MACF1: variants seen among roughly 807,000 people sequenced by gnomAD.
MACF1 encodes microtubule actin crosslinking factor 1.
In MACF1, 193 loss-of-function variants were observed where a neutral mutation model predicts 854.8. The ratio of observed to expected loss-of-function variants is 0.23; its 90% CI spans 0.20 to 0.25. MACF1 has a LOEUF of 0.25. MACF1 is among the 10% of genes least tolerant of loss of function. MACF1 has a pLI of 1.00. For synonymous variants in MACF1, 3,185 were observed against 3,226.7 expected (o/e 0.99, Z 0.44); for missense variants, 7,722 against 8,929.1 (o/e 0.86, Z 5.45).
chr1:39,249,509 C>T (rs570700441), intron 2 of MACF1, among the ~76,000 whole-genome samples: 1 of 152,218 alleles, frequency 6.6e-6, no homozygotes, highest in East Asian at 1.9e-4. Flanking sequence ...TGGAATTTCC[C>T]ACAAAGAAAA....
intron 21 of MACF1, among the ~76,000 whole-genome samples, chr1:39,299,779 C>G (rs922520689): frequency 6.6e-6 from 1 of 152,094 alleles, no homozygotes; most frequent in African/African-American, 2.4e-5. Context: ...ACTAGCTTCT[C>G]CTAAGCAGAA....
chr1:39,288,455 G>A (rs1645695036), intron 15 of MACF1, among the ~76,000 whole-genome samples: 1 of 150,300 alleles, frequency 6.7e-6, no homozygotes. Context: ...CTGAGATTGT[G>A]CCACTGCACT....
rs775216230 is a variant in MACF1, at chr1:39,412,627, A to C, written c.15817-9747A>C. 19 of 1,613,914 alleles carry C rather than the reference A, an allele frequency of 1.2e-5. No homozygotes were observed. In the South Asian group the frequency reaches 1.3e-4, roughly 11 times the overall value. Reference sequence around the variant, plus strand: ...TGTGAATGATACAAAGCCTGAGCTGAATGTGGCATCATCAGAGGGAGGGGA... The same window carrying C: ...TGTGAATGATACAAAGCCTGAGCTGCATGTGGCATCATCAGAGGGAGGGGA... On this transcript the variant is annotated intron_variant, in intron 58 of 100. Transcript: ENST00000564288.
chr1:39,396,192 C>A (rs530923039), intron 58 of MACF1, among the ~76,000 whole-genome samples: 1 of 151,938 alleles, frequency 6.6e-6, no homozygotes, highest in Non-Finnish European at 1.5e-5. Flanking sequence ...TGGTGGCATG[C>A]GCCTGTAGTC....
intron 89 of MACF1, among the ~76,000 whole-genome samples, chr1:39,455,885 C>T (rs142890485): frequency 2.3e-4 from 35 of 152,142 alleles, no homozygotes; most frequent in Non-Finnish European, 4.9e-4. Flanking sequence ...TGAATTCAAG[C>T]GTGAATGTTG....
rs768683100 is a variant in MACF1, at chr1:39,322,694, T to A, written c.4116T>A (p.Ser1372=). The A allele has an allele frequency of 6.2e-6, 10 of 1,613,958 alleles. No homozygotes were observed. Among genetic ancestry groups the A allele is most frequent in the Non-Finnish European group, 2.5e-6 (3 of 1,179,998 alleles). The change falls in exon 32 of 101, where the codon TCT becomes TCA. Residue 1372 remains serine (S), a synonymous_variant. Coordinates refer to ENST00000564288, the MANE Select transcript of MACF1 (RefSeq NM_001394062.1). The stretch of plus-strand genomic sequence containing the variant: ...GCAAGCGCCGTCGCATGCTTTCCTC[T>A]TCAGATGCCATCACTCAAGAGGTGA... ...SPGKRRRMLS[S]SDAITQEFMD...
chr1:39,288,865 T>G (rs1645709030), intron 15 of MACF1, among the ~76,000 whole-genome samples: 1 of 152,242 alleles, frequency 6.6e-6, no homozygotes, highest in Non-Finnish European at 1.5e-5. Flanking sequence ...TTCTATCAGA[T>G]GCTAGGTATT....
intron 52 of MACF1, among the ~76,000 whole-genome samples, chr1:39,378,053 A>G (rs1649868787): frequency 1.3e-5 from 2 of 152,060 alleles, no homozygotes; most frequent in Admixed American, 6.6e-5. Flanking sequence ...TGGTATTTTC[A>G]TTTTTATTAT....
At chr1:39,180,575 CACTAG>C (rs754091706) in intron 2 of MACF1, among the ~76,000 whole-genome samples, 6 of 152,222 alleles carry the variant, frequency 3.9e-5, no homozygotes, top group Non-Finnish European at 7.3e-5. Flanking sequence ...GAGATTGCGC[CACTAG>C]ACTCCAGCCT....
In MACF1 at chr1:39,287,412, A is replaced by G; in HGVS notation, c.1635A>G (p.Ala545=). Residue 545 remains alanine (A), a synonymous_variant, in exon 15 of 101, where the codon GCA becomes GCG. Transcript: ENST00000564288. ...PSTLTTTHLK[A]EPLTKATHSS... ...CTTTAACCACCACTCATCTGAAAGC[A>G]GAACCCTTAACCAAGGCAACCCATT... 5.6e-6 allele frequency: 9 copies of G among 1,614,222 alleles called. No individual in the cohort carries two copies. Among genetic ancestry groups the G allele is most frequent in the Non-Finnish European group, 6.8e-6 (8 of 1,180,044 alleles).
intron 2 of MACF1, among the ~76,000 whole-genome samples, chr1:39,099,453 G>T (rs932869873): frequency 1.3e-5 from 2 of 152,146 alleles, no homozygotes; most frequent in Non-Finnish European, 2.9e-5. Flanking sequence ...CACCGCACCT[G>T]GCCTAAGAAT....
rs1156694155 is a variant in MACF1, at chr1:39,477,086, TATATAC to T, written c.21959-2710_21959-2705del. 1.6e-3 allele frequency among the ~76,000 whole-genome samples: 20 copies of T among 12,428 alleles called. No homozygotes were observed. The East Asian group carries it at 0.045, about 28-fold the overall frequency. 8.2% of individuals were successfully genotyped at this position (12,428 alleles called of 152,430 possible). A position where few individuals can be genotyped will look rare whatever the true frequency, so the allele number is the denominator to read the frequency against. On this transcript the variant is annotated intron_variant, in intron 97 of 100. Transcript: ENST00000564288. ...ATATATATATATATATATATATATA[TATATAC>T]ACACACACACATATATACACTTAGT...
rs1244256415 is a variant in MACF1, at chr1:39,102,800, C to T, written c.220+18362C>T. On this transcript the variant is annotated intron_variant, in intron 2 of 93. Transcript: ENST00000361689. ...TCAGGAGCAAAAGAAAATCAAAGACCAAAAGGAGAAAGCCTCAGAGCTTTT... is the reference window on the plus strand; with the variant it reads ...TCAGGAGCAAAAGAAAATCAAAGACTAAAAGGAGAAAGCCTCAGAGCTTTT... The T allele has an allele frequency of 5.7e-6, 4 of 702,512 alleles. No homozygotes were observed. The South Asian group carries it at 5.9e-5, about 10-fold the overall frequency. 43.5% of individuals were successfully genotyped at this position (702,512 alleles called of 1,614,324 possible). A position where few individuals can be genotyped will look rare whatever the true frequency, so the allele number is the denominator to read the frequency against.
At chr1:39,422,095 T>A (rs535035643) in intron 58 of MACF1, among the ~76,000 whole-genome samples, 1 of 151,770 alleles carries the variant, frequency 6.6e-6, no homozygotes, top group Non-Finnish European at 1.5e-5. Context: ...AAAAAAAAAT[T>A]AAGCAACAGA....
At chr1:39,257,495 G>C (rs1216408874) in intron 5 of MACF1, 2 of 157,050 alleles carry the variant, frequency 1.3e-5, no homozygotes, top group Non-Finnish European at 2.8e-5. Context: ...GCAGAGACGG[G>C]GTTTCACCGT....
rs1238888950 is a variant in MACF1, at chr1:39,105,402, C to CGCGAGCCGGGACCGGCGGAGCGCGA, written c.220+20968_220+20992dup. 1.0e-6 allele frequency: 1 copy of CGCGAGCCGGGACCGGCGGAGCGCGA among 986,786 alleles called. No homozygotes were observed. The highest frequency in any genetic ancestry group is 1.8e-5 in the African/African-American group (1 of 56,940). The allele number at this position is 986,786 out of a possible 1,614,324, so 61.1% of individuals were successfully genotyped here. On this transcript the variant is annotated intron_variant, in intron 2 of 93. Coordinates refer to the MACF1 transcript ENST00000361689. The surrounding 1 kb of genome is among the most constrained non-coding windows in gnomAD (Gnocchi z 5.9). ...GAGCCGAGGGGTGAGGACGCGGAAACGCGAGCCGGGACCGGCGGAGCGCGA... is the reference window on the plus strand; with the variant it reads ...GAGCCGAGGGGTGAGGACGCGGAAACGCGAGCCGGGACCGGCGGAGCGCGAGCGAGCCGGGACCGGCGGAGCGCGA...
At chr1:39,422,939 T>G (rs202175954) in intron 60 of MACF1, 39 bp downstream of exon 60, 1 of 1,572,318 alleles carries the variant, frequency 6.4e-7, no homozygotes, top group East Asian at 2.3e-5. Flanking sequence ...GTAACAGCCG[T>G]AGGGAGTAGT....
At chr1:39,296,811 AAAGGAAGGAAGG>A (rs751164815) in intron 20 of MACF1, among the ~76,000 whole-genome samples, 16 of 106,392 alleles carry the variant, frequency 1.5e-4, no homozygotes, top group East Asian at 3.0e-4. Flanking sequence ...GAAAAGAAAG[AAAGGAAGGAAGG>A]AAGGAAGGAA....
chr1:39,136,048 CACAT>C (rs973314370), intron 2 of MACF1, among the ~76,000 whole-genome samples: 3 of 152,294 alleles, frequency 2.0e-5, no homozygotes, highest in South Asian at 4.1e-4. Context: ...TCTCTACACA[CACAT>C]ACATACATAT....
Sources: allele counts gnomAD v4.1 joint callset (sites outside exome capture counted in the v4.1 genomes callset), GRCh38; gene constraint gnomAD v4.1.1; non-coding constraint Gnocchi (gnomAD v3.1); transcripts MANE v1.5; gene names NCBI Gene and HGNC (gene_info 2026-07-23, HGNC 2026-07-21).